Variants in FGF14 observed in about 807,000 individuals in gnomAD.
The protein encoded by FGF14 is fibroblast growth factor 14.
A neutral mutation model predicts 25.5 loss-of-function variants in FGF14; 5 were observed. That is an observed-to-expected ratio of 0.20 (90% CI 0.10 to 0.41). The LOEUF (loss-of-function observed/expected upper bound fraction) is 0.41. FGF14 is among the 10% of genes least tolerant of loss of function. The pLI is 1.00. For missense variants in FGF14, 222 were observed against 320.1 expected, an observed-to-expected ratio of 0.69 and a Z score of 2.34; for synonymous variants, 138 against 118.3, an observed-to-expected ratio of 1.17 and a Z score of -1.08.
intron 3 of FGF14, among the ~76,000 whole-genome samples, chr13:101,848,716 G>A (rs918743503): frequency 6.6e-6 from 1 of 151,858 alleles, no homozygotes; most frequent in African/African-American, 2.4e-5. Flanking sequence ...AAGAGAGAGG[G>A]GAAGACAAGG....
chr13:102,263,382 A>T (rs556475796), intron 1 of FGF14, among the ~76,000 whole-genome samples: 4 of 152,338 alleles, frequency 2.6e-5, no homozygotes, highest in Admixed American at 2.6e-4. Flanking sequence ...TTTGATGAAT[A>T]GGACAAAAAT....
chr13:101,812,639 ATATATATATATATATTTTTTTTTTTTT>A (rs1276415154), intron 3 of FGF14, among the ~76,000 whole-genome samples: 2 of 11,366 alleles, frequency 1.8e-4, no homozygotes, highest in Admixed American at 1.1e-3. Flanking sequence ...ATATATATAT[ATATATATATATATATTTTTTTTTTTTT>A]TTTTTTTTTT....
chr13:101,880,011 G>C (rs2045611051), intron 1 of FGF14, among the ~76,000 whole-genome samples: 1 of 152,076 alleles, frequency 6.6e-6, no homozygotes, highest in Non-Finnish European at 1.5e-5. Context: ...TAAAGGCATG[G>C]GAAAATTTGC....
intron 1 of FGF14, among the ~76,000 whole-genome samples, chr13:102,183,582 C>T (rs1243260075): frequency 6.6e-6 from 1 of 152,124 alleles, no homozygotes; most frequent in Non-Finnish European, 1.5e-5. Context: ...CCAGACTTGC[C>T]CCTGTTCCTC....
At chr13:102,084,338 G>C (rs1466384645) in intron 1 of FGF14, among the ~76,000 whole-genome samples, 1 of 151,820 alleles carries the variant, frequency 6.6e-6, no homozygotes, top group African/African-American at 2.4e-5. Flanking sequence ...GTCTATTTTG[G>C]GTCACAGTCA....
intron 1 of FGF14, among the ~76,000 whole-genome samples, chr13:102,377,096 T>C (rs192701883): frequency 3.9e-5 from 6 of 152,230 alleles, no homozygotes; most frequent in Middle Eastern, 3.4e-3. Flanking sequence ...CCTTTTTTTT[T>C]TTTCCTAAGA....
chr13:101,830,192 A>G (rs1420705142), intron 3 of FGF14, among the ~76,000 whole-genome samples: 1 of 152,156 alleles, frequency 6.6e-6, no homozygotes, highest in Admixed American at 6.6e-5. Flanking sequence ...GTAGCTCTAG[A>G]GAAGTCTAGT....
chr13:102,063,726 A>G (rs2042784232), intron 1 of FGF14, among the ~76,000 whole-genome samples: 2 of 152,202 alleles, frequency 1.3e-5, no homozygotes, highest in African/African-American at 2.4e-5. Flanking sequence ...GATACAGGTA[A>G]TGCAATAACA....
intron 1 of FGF14, among the ~76,000 whole-genome samples, chr13:102,097,292 AC>A (rs1566680730): frequency 6.6e-6 from 1 of 152,196 alleles, no homozygotes; most frequent in African/African-American, 2.4e-5. Context: ...CCAGAATTCA[AC>A]ATTTTCCCAA....
At chr13:101,948,818 AG>A (rs892199462) in intron 1 of FGF14, among the ~76,000 whole-genome samples, 1 of 152,336 alleles carries the variant, frequency 6.6e-6, no homozygotes. Context: ...TTTTTAGAAT[AG>A]GGGAAATGCT....
chr13:102,078,328 A>T (rs1217535961), intron 1 of FGF14, among the ~76,000 whole-genome samples: 1 of 152,248 alleles, frequency 6.6e-6, no homozygotes, highest in African/African-American at 2.4e-5. Context: ...GATATTAATT[A>T]GCTTGATTTA....
At chr13:102,375,088 G>A (rs939207838) in intron 1 of FGF14, among the ~76,000 whole-genome samples, 3 of 151,980 alleles carry the variant, frequency 2.0e-5, no homozygotes, top group African/African-American at 7.3e-5. Context: ...GGAGACTTTA[G>A]AAAAATGAGC....
Position 102,190,760 on chromosome 13 carries a change from T to C in FGF14, c.208+210711A>G, listed in dbSNP as rs749159543. ...CTTCCAAATATCTGCTCCTCCACAATGGCAATGAAAACACTAAATCAACAT... is the reference window on the plus strand; with the variant it reads ...CTTCCAAATATCTGCTCCTCCACAACGGCAATGAAAACACTAAATCAACAT... On this transcript the variant is annotated intron_variant, in intron 1 of 4. Coordinates refer to the FGF14 transcript ENST00000376131. Among the ~76,000 whole-genome samples the C allele has an allele frequency of 5.4e-4, 82 of 152,138 alleles. 1 individual carries two copies. Among genetic ancestry groups the C allele is most frequent in the Non-Finnish European group, 2.1e-4 (14 of 68,022 alleles).
chr13:102,302,448 G>T (rs767719855), intron 1 of FGF14, among the ~76,000 whole-genome samples: 1 of 152,042 alleles, frequency 6.6e-6, no homozygotes, highest in Non-Finnish European at 1.5e-5. Context: ...ACCAGGCCTT[G>T]TCACTATCTA....
chr13:101,910,668 C>A (rs562383762), intron 1 of FGF14, among the ~76,000 whole-genome samples: 27 of 152,188 alleles, frequency 1.8e-4, no homozygotes, highest in African/African-American at 6.3e-4. Flanking sequence ...TATACTGTCA[C>A]CCCAGTAAAC....
chr13:102,308,228 G>T (rs1485770269), intron 1 of FGF14, among the ~76,000 whole-genome samples: 1 of 152,148 alleles, frequency 6.6e-6, no homozygotes, highest in Admixed American at 6.6e-5. Flanking sequence ...AGGGTGGGCT[G>T]CACATCCACC....
At chr13:101,946,363 C>CAAAAAAAAAAAAAAAAA (rs59866034) in intron 1 of FGF14, among the ~76,000 whole-genome samples, 1 of 91,950 alleles carries the variant, frequency 1.1e-5, no homozygotes, top group African/African-American at 3.6e-5. Context: ...GCTTCTCCAT[C>CAAAAAAAAAAAAAAAAA]AAAAAAAAAA....
In FGF14 at chr13:102,275,262, T is replaced by TTC. The variant is rs56028235; in HGVS notation, c.208+126207_208+126208dup. 1.5e-3 allele frequency among the ~76,000 whole-genome samples: 101 copies of TTC among 68,984 alleles called. 1 individual carries two copies. In the South Asian group the frequency reaches 0.023, roughly 15 times the overall value. 45.3% of individuals were successfully genotyped at this position (68,984 alleles called of 152,430 possible). Reference sequence around the variant, plus strand: ...TCTCTCTCTCTCTCTCTCTCTCTCTTTCTCTCTCTCTCTCTCTCTCTCTCT... The same window carrying TTC: ...TCTCTCTCTCTCTCTCTCTCTCTCTTTCTCTCTCTCTCTCTCTCTCTCTCTCT... On this transcript the variant is annotated intron_variant, in intron 1 of 4. Coordinates refer to the FGF14 transcript ENST00000376131.
chr13:101,933,438 G>T (rs1232949672), intron 1 of FGF14, among the ~76,000 whole-genome samples: 1 of 152,096 alleles, frequency 6.6e-6, no homozygotes, highest in African/African-American at 2.4e-5. Context: ...ATAATGTATT[G>T]GTAGTCCGGG....
Sources: gnomAD v4.1 joint callset for allele counts (sites outside exome capture counted in the v4.1 genomes callset) on GRCh38, gnomAD v4.1.1 for gene constraint, MANE v1.5 for transcripts, NCBI Gene and HGNC (gene_info 2026-07-23, HGNC 2026-07-21) for gene names.